Variants in SCAP observed in about 807,000 individuals in gnomAD.
SCAP encodes SREBF chaperone.
A neutral mutation model predicts 123.6 loss-of-function variants in SCAP; 65 were observed. The observed-to-expected ratio is 0.53, with a 90% CI of 0.43 to 0.65. The LOEUF is 0.65. Ranked by LOEUF, SCAP falls within the 30% of genes least tolerant of loss-of-function variation. SCAP has a pLI of 0.00. For missense variants in SCAP, 1,398 were observed against 1,712.5 expected (o/e 0.82, Z 3.24); for synonymous variants, 740 against 726.3 (o/e 1.02, Z -0.30).
Position 47,442,999 on chromosome 3 carries a change from G to GC in SCAP, c.-7dup. 6.2e-7 allele frequency: 1 copy of GC among 1,613,466 alleles called. No individual in the cohort carries two copies. Among genetic ancestry groups the GC allele is most frequent in the Non-Finnish European group, 8.5e-7 (1 of 1,180,016 alleles). On this transcript the variant is annotated 5_prime_UTR_variant, in exon 2 of 23. The change creates a premature stop within an existing upstream ORF in the 5' untranslated region. Transcript: ENST00000265565. ...AGCCTTTCAGTCAGGGTCATCCTCA[G>GC]CCGAAGTCACCTTGCTGCCATCCCG...
intron 1 of SCAP, among the ~76,000 whole-genome samples, chr3:47,447,649 A>T (rs903838586): frequency 5.3e-5 from 8 of 151,780 alleles, no homozygotes; most frequent in Middle Eastern, 3.4e-3. Flanking sequence ...AGACTGTGCC[A>T]TTGCACTCCA....
intron 1 of SCAP, among the ~76,000 whole-genome samples, chr3:47,451,061 C>G (rs1388468908): frequency 8.2e-6 from 1 of 121,672 alleles, no homozygotes; most frequent in East Asian, 2.9e-4. Context: ...ATATGTTGCC[C>G]AGGTTGGTCT....
At chr3:47,447,862 G>A (rs759435251) in intron 1 of SCAP, among the ~76,000 whole-genome samples, 5 of 151,706 alleles carry the variant, frequency 3.3e-5, no homozygotes, top group Middle Eastern at 3.4e-3. Context: ...CAAAATAGCC[G>A]GGCATGGTGG....
chr3:47,414,299 G>T lies in SCAP; in HGVS notation c.3475C>A (p.His1159Asn). 1 of 1,613,324 alleles carries T rather than the reference G, an allele frequency of 6.2e-7. No homozygotes were observed. The highest frequency in any genetic ancestry group is 8.5e-7 in the Non-Finnish European group (1 of 1,180,026). ...TGSRVSHVFA[H>N]RGDVTSLTCT... ...GTAAGGGAGGTGACATCCCCACGGT[G>T]AGCAAACACATGGCTGACCCGGCTG... The change falls in exon 22 of 23, where the codon CAC (histidine) becomes AAC (asparagine). Residue 1159 changes from histidine to asparagine, a missense_variant. Physicochemically the swap from His to Asn is moderately conservative, Grantham distance 68. Coordinates refer to ENST00000265565, the MANE Select transcript of SCAP (RefSeq NM_012235.4).
In SCAP at chr3:47,450,772, G is replaced by C. The variant is rs1262224705; in HGVS notation, c.-98-7681C>G. ...GCCTCAATTTCCCAAACTGATTATA[G>C]GTGTGAGCCACCACACCCAGCAGAG... is the stretch of plus-strand genomic sequence containing the variant. On this transcript the variant is annotated intron_variant, in intron 1 of 22. Coordinates refer to ENST00000265565, the MANE Select transcript of SCAP (RefSeq NM_012235.4). Among the ~76,000 whole-genome samples, 2 of 121,940 alleles carry C rather than the reference G, an allele frequency of 1.6e-5. 1 individual carries two copies. The highest frequency in any genetic ancestry group is 6.0e-4 in the East Asian group (2 of 3,346). The allele number at this position is 121,940 out of a possible 152,430, so 80.0% of individuals were successfully genotyped here.
chr3:47,467,410 G>A (rs1223330942), intron 1 of SCAP, among the ~76,000 whole-genome samples: 2 of 151,888 alleles, frequency 1.3e-5, no homozygotes. Context: ...TTCAAGGCCA[G>A]CCTAGGCAAC....
intron 1 of SCAP, among the ~76,000 whole-genome samples, chr3:47,455,636 G>GA (rs1311228329): frequency 2.0e-5 from 3 of 147,824 alleles, no homozygotes; most frequent in Non-Finnish European, 3.0e-5. Flanking sequence ...AGAAATCTCT[G>GA]AAACTCCGAA....
chr3:47,466,596 AC>A (rs1301413797), intron 1 of SCAP, among the ~76,000 whole-genome samples: 1 of 152,206 alleles, frequency 6.6e-6, no homozygotes, highest in Non-Finnish European at 1.5e-5. Flanking sequence ...GGATAGTTAC[AC>A]GCAAAAGTGA....
In SCAP at chr3:47,420,651, G is replaced by A. The variant is rs769513073; in HGVS notation, c.1466C>T (p.Thr489Met). ...GTTTCGGAAGGAAGACGGCTGCAACGTGATGGTGTGGGGTGTGGACGGCCT... is the reference window on the plus strand; with the variant it reads ...GTTTCGGAAGGAAGACGGCTGCAACATGATGGTGTGGGGTGTGGACGGCCT... ...AVRPSTPHTI[T>M]LQPSSFRNLR... is the part of the protein sequence containing the mutation. Residue 489 changes from threonine to methionine, a missense_variant, in exon 12 of 23, where the codon ACG (threonine) becomes ATG (methionine). By Grantham distance (81) the Thr-to-Met change is moderately conservative (BLOSUM62 -1). Transcript: ENST00000265565. The surrounding 1 kb of genome is among the most constrained non-coding windows in gnomAD (Gnocchi z 5.0). 6 of 1,612,112 alleles carry A rather than the reference G, an allele frequency of 3.7e-6. No individual in the cohort carries two copies. Among genetic ancestry groups the A allele is most frequent in the East Asian group, 2.2e-5 (1 of 44,902 alleles).
intron 18 of SCAP, among the ~76,000 whole-genome samples, chr3:47,416,636 T>C (rs1031618939): frequency 2.4e-5 from 2 of 84,016 alleles, no homozygotes; most frequent in African/African-American, 7.2e-5. Flanking sequence ...TTTTTTTTTT[T>C]TTTTTTTTGA....
intron 1 of SCAP, among the ~76,000 whole-genome samples, chr3:47,459,587 C>T (rs990587029): frequency 6.6e-6 from 1 of 152,018 alleles, no homozygotes. Context: ...AGCTGCAAAA[C>T]CAGCAAGTTT....
At chr3:47,444,854 C>T (rs1366154041) in intron 1 of SCAP, among the ~76,000 whole-genome samples, 4 of 151,488 alleles carry the variant, frequency 2.6e-5, no homozygotes, top group African/African-American at 9.7e-5. Flanking sequence ...TCAATGAAAT[C>T]TCTGTCTCCT....
At chr3:47,415,282 G>A (rs1169033551) in intron 18 of SCAP, 102 bp from the exon 19 acceptor site, 2 of 1,053,654 alleles carry the variant, frequency 1.9e-6, no homozygotes, top group Non-Finnish European at 1.4e-6. Context: ...AGAAGGCACA[G>A]GAGGGACATG....
chr3:47,466,956 G>A (rs890708814), intron 1 of SCAP, among the ~76,000 whole-genome samples: 1 of 151,962 alleles, frequency 6.6e-6, no homozygotes, highest in African/African-American at 2.4e-5. Context: ...AGCCAGGCAT[G>A]GTGGTGTGCA....
At chr3:47,461,804 CA>C (rs1184220599) in intron 1 of SCAP, among the ~76,000 whole-genome samples, 2 of 152,174 alleles carry the variant, frequency 1.3e-5, no homozygotes, top group Non-Finnish European at 2.9e-5. Flanking sequence ...GAGGCCGAGG[CA>C]AACAGATCAC....
chr3:47,437,273 C>T (rs147006390), intron 2 of SCAP, among the ~76,000 whole-genome samples: 1 of 151,610 alleles, frequency 6.6e-6, no homozygotes, highest in Non-Finnish European at 1.5e-5. Flanking sequence ...AACCCTGTCT[C>T]TACTAAAAAT....
At position 47,420,782 on chromosome 3, in the gene SCAP, G is replaced by A. The variant is rs754498869; in HGVS notation, c.1345-10C>T. ...TGTTCAGGTCTGCTAGCTGTTGGGG[G>A]CACAGTGGTCAGGGCCTGAGTCCAC... is the stretch of plus-strand genomic sequence containing the variant. On this transcript the variant is annotated splice_polypyrimidine_tract_variant and intron_variant, in intron 11 of 22. Transcript: ENST00000265565. The surrounding 1 kb of genome is among the most constrained non-coding windows in gnomAD (Gnocchi z 5.0). 6.2e-7 allele frequency: 1 copy of A among 1,609,638 alleles called. No homozygotes were observed. The highest frequency in any genetic ancestry group is 8.5e-7 in the Non-Finnish European group (1 of 1,178,898).
chr3:47,469,142 G>A (rs1191569346), intron 1 of SCAP, among the ~76,000 whole-genome samples: 1 of 152,208 alleles, frequency 6.6e-6, no homozygotes, highest in Non-Finnish European at 1.5e-5. Context: ...GAGGTCAGGA[G>A]TTCAAGACCA....
intron 1 of SCAP, among the ~76,000 whole-genome samples, chr3:47,454,525 G>C (rs1262582502): frequency 6.6e-6 from 1 of 151,638 alleles, no homozygotes; most frequent in East Asian, 1.9e-4. Context: ...TCAGGAGTTC[G>C]AGACCAGCCT....
Sources: allele counts gnomAD v4.1 joint callset (sites outside exome capture counted in the v4.1 genomes callset), GRCh38; gene constraint gnomAD v4.1.1; non-coding constraint Gnocchi (gnomAD v3.1); transcripts MANE v1.5; gene names NCBI Gene and HGNC (gene_info 2026-07-23, HGNC 2026-07-21).